RORA: variants seen among roughly 807,000 people sequenced by gnomAD.
RORA encodes nuclear receptor ROR-alpha.
Under a neutral mutation model 69.5 loss-of-function variants are expected in RORA, and 7 were observed. The observed-to-expected ratio is 0.10, with a 90% CI of 0.06 to 0.19. The LOEUF is 0.19. Among genes scored for constraint, RORA ranks in the 10% least tolerant of loss-of-function variants. The pLI is 1.00. For missense variants in RORA, 457 were observed against 663.0 expected, an observed-to-expected ratio of 0.69 and a Z score of 3.41; for synonymous variants, 261 against 240.8, an observed-to-expected ratio of 1.08 and a Z score of -0.78.
At chr15:60,901,210 C>T (rs1343877666) in intron 1 of RORA, among the ~76,000 whole-genome samples, 4 of 151,954 alleles carry the variant, frequency 2.6e-5, no homozygotes, top group East Asian at 1.9e-4. Flanking sequence ...TCACTCTTGT[C>T]GCCCAGGATG....
chr15:61,053,155 T>C (rs2078037316), intron 1 of RORA, among the ~76,000 whole-genome samples: 1 of 152,236 alleles, frequency 6.6e-6, no homozygotes, highest in Admixed American at 6.5e-5. Context: ...CACTTGGTCC[T>C]GAATCACTCG....
chr15:60,666,108 T>C (rs1056866287), intron 2 of RORA, among the ~76,000 whole-genome samples: 1 of 152,058 alleles, frequency 6.6e-6, no homozygotes, highest in Non-Finnish European at 1.5e-5. Context: ...TCTACGGGTA[T>C]TAATTGAGCA....
At chr15:60,717,796 C>CTTTTTTTTTTTTTT (rs10653856) in intron 1 of RORA, among the ~76,000 whole-genome samples, 1 of 91,972 alleles carries the variant, frequency 1.1e-5, no homozygotes, top group Non-Finnish European at 2.0e-5. Context: ...TTCTTTTTCT[C>CTTTTTTTTTTTTTT]TTTTTTTTTT....
chr15:60,621,247 GC>G (rs981806419), intron 2 of RORA, among the ~76,000 whole-genome samples: 3 of 151,938 alleles, frequency 2.0e-5, no homozygotes, highest in African/African-American at 4.8e-5. Context: ...ATCAAGTTCA[GC>G]CCACCAGAGG....
intron 1 of RORA, among the ~76,000 whole-genome samples, chr15:60,824,080 A>G (rs1435839920): frequency 6.6e-6 from 1 of 152,220 alleles, no homozygotes; most frequent in African/African-American, 2.4e-5. Context: ...GGCCGGTGGA[A>G]TGCATGCATA....
chr15:60,973,136 T>C (rs925496236), intron 1 of RORA, among the ~76,000 whole-genome samples: 6 of 152,164 alleles, frequency 3.9e-5, no homozygotes, highest in African/African-American at 1.4e-4. Flanking sequence ...CCATGTATTT[T>C]GGTGTGTGGA....
rs34707279 is a variant in RORA, at chr15:60,517,110, C to CTTTTTTTTTTTTTTTTTTTTTTT, written c.283-2354_283-2353insAAAAAAAAAAAAAAAAAAAAAAA. 7.6e-4 allele frequency among the ~76,000 whole-genome samples: 108 copies of CTTTTTTTTTTTTTTTTTTTTTTT among 141,214 alleles called. 4 individuals carry two copies. The highest frequency in any genetic ancestry group is 2.8e-3 in the African/African-American group (101 of 35,456). 92.6% of individuals were successfully genotyped at this position (141,214 alleles called of 152,430 possible). ...TTATTTTTCTTTTTGTTCATCTGTGCTTTTTTTTTTTTTCCCCCCTACAAT... is the reference window on the plus strand; with the variant it reads ...TTATTTTTCTTTTTGTTCATCTGTGCTTTTTTTTTTTTTTTTTTTTTTTTTTTTTTTTTTTTCCCCCCTACAAT... On this transcript the variant is annotated intron_variant, in intron 3 of 10. Coordinates refer to ENST00000335670, the MANE Select transcript of RORA (RefSeq NM_134261.3).
chr15:60,990,293 T>A (rs769351112), intron 1 of RORA, among the ~76,000 whole-genome samples: 22 of 152,198 alleles, frequency 1.4e-4, no homozygotes, highest in Non-Finnish European at 2.6e-4. Context: ...TAGGAAGGCT[T>A]TTGTGTGATT....
chr15:60,731,009 C>T (rs553596466), intron 1 of RORA, among the ~76,000 whole-genome samples: 1 of 152,212 alleles, frequency 6.6e-6, no homozygotes, highest in South Asian at 2.1e-4. Flanking sequence ...AGGTATTAAG[C>T]CTGATACCCA....
intron 1 of RORA, among the ~76,000 whole-genome samples, chr15:60,858,577 G>A (rs1378609818): frequency 6.6e-6 from 1 of 152,026 alleles, no homozygotes; most frequent in African/African-American, 2.4e-5. Context: ...GAGGGACAGC[G>A]GGGATGGGGT....
chr15:61,178,868 C>T (rs867872741), intron 1 of RORA, among the ~76,000 whole-genome samples: 6 of 152,200 alleles, frequency 3.9e-5, no homozygotes, highest in African/African-American at 1.4e-4. Flanking sequence ...TAGACTATAC[C>T]CGCTTTTGAA....
At chr15:60,661,991 T>C (rs1207596160) in intron 2 of RORA, among the ~76,000 whole-genome samples, 2 of 152,260 alleles carry the variant, frequency 1.3e-5, no homozygotes, top group Non-Finnish European at 2.9e-5. Context: ...AACCACACTC[T>C]ATGAAGAAGG....
At chr15:60,755,228 TGTG>T (rs1477318318) in intron 1 of RORA, among the ~76,000 whole-genome samples, 1 of 146,468 alleles carries the variant, frequency 6.8e-6, no homozygotes, top group African/African-American at 2.5e-5. Flanking sequence ...AATAAGAACA[TGTG>T]GTGTTTGGTT....
At chr15:60,924,121 T>C (rs1013395625) in intron 1 of RORA, among the ~76,000 whole-genome samples, 3 of 152,114 alleles carry the variant, frequency 2.0e-5, no homozygotes, top group South Asian at 2.1e-4. Flanking sequence ...CCATACCCCA[T>C]GTGTAGCATT....
intron 1 of RORA, among the ~76,000 whole-genome samples, chr15:60,846,818 T>C (rs2073271335): frequency 6.6e-6 from 1 of 152,254 alleles, no homozygotes; most frequent in African/African-American, 2.4e-5. Context: ...CTATTGTTTT[T>C]ATTGTCTTGT....
chr15:61,054,299 A>C (rs1222315608), intron 1 of RORA, among the ~76,000 whole-genome samples: 1 of 143,056 alleles, frequency 7.0e-6, no homozygotes, highest in African/African-American at 2.5e-5. Context: ...AACATTTGAA[A>C]AGAACTTTCA....
intron 1 of RORA, among the ~76,000 whole-genome samples, chr15:61,023,356 C>T (rs1895642183): frequency 6.6e-6 from 1 of 152,118 alleles, no homozygotes; most frequent in Admixed American, 6.5e-5. Context: ...ACACTTCTTA[C>T]ACAGTGAGAG....
chr15:61,185,475 G>T (rs1014316849), intron 1 of RORA, among the ~76,000 whole-genome samples: 1 of 152,194 alleles, frequency 6.6e-6, no homozygotes. Context: ...TCTGTAATCA[G>T]AGTGGTTTTC....
chr15:60,859,845 C>A (rs1198073328), intron 1 of RORA, among the ~76,000 whole-genome samples: 1 of 151,994 alleles, frequency 6.6e-6, no homozygotes, highest in African/African-American at 2.4e-5. Context: ...GAATTTCTCT[C>A]TCCTCCAGGA....
Sources: gnomAD v4.1 joint callset for allele counts (sites outside exome capture counted in the v4.1 genomes callset) on GRCh38, gnomAD v4.1.1 for gene constraint, MANE v1.5 for transcripts, NCBI Gene and HGNC (gene_info 2026-07-23, HGNC 2026-07-21) for gene names.